Variants in ABCA5 observed in about 807,000 individuals in gnomAD.
ABCA5 encodes the protein cholesterol transporter ABCA5.
ABCA5 carries 163 observed loss-of-function variants against 206.0 expected under a neutral mutation model. The observed-to-expected ratio is 0.79, with a 90% CI of 0.70 to 0.90. The LOEUF is 0.90. Among genes scored for constraint, ABCA5 ranks in the 40% least tolerant of loss-of-function variants. The pLI is 0.00. For synonymous variants in ABCA5, 609 were observed against 613.8 expected (o/e 0.99, Z 0.11); for missense variants, 1,859 against 1,912.9 (o/e 0.97, Z 0.53).
intron 6 of ABCA5, among the ~76,000 whole-genome samples, chr17:69,305,535 G>A (rs745759555): frequency 8.6e-5 from 13 of 152,028 alleles, no homozygotes; most frequent in Admixed American, 5.9e-4. Flanking sequence ...TCCAGCTACC[G>A]GTTCTCCATA....
chr17:69,284,502 A>C (rs988800210), intron 17 of ABCA5, among the ~76,000 whole-genome samples: 1 of 152,146 alleles, frequency 6.6e-6, no homozygotes, highest in Non-Finnish European at 1.5e-5. Flanking sequence ...ACTATATTGA[A>C]TAATAAAATA....
intron 18 of ABCA5, among the ~76,000 whole-genome samples, chr17:69,283,381 T>C (rs1033030506): frequency 7.9e-5 from 12 of 152,310 alleles, no homozygotes; most frequent in African/African-American, 2.9e-4. Flanking sequence ...AATACTCTTA[T>C]CATTCAACAA....
chr17:69,249,596 T>C, intron 37 of ABCA5: 2 of 323,408 alleles, frequency 6.2e-6, no homozygotes, highest in Non-Finnish European at 1.1e-5. Flanking sequence ...ATAAACTGTG[T>C]CAATGCTCTC....
In ABCA5 at chr17:69,255,561, A is replaced by G; in HGVS notation, c.4050T>C (p.Ile1350=). The G allele has an allele frequency of 6.4e-7, 1 of 1,571,162 alleles. No homozygotes were observed. Among genetic ancestry groups the G allele is most frequent in the Non-Finnish European group, 8.6e-7 (1 of 1,165,728 alleles). The change falls in exon 31 of 39, where the codon ATT becomes ATC. Residue 1350 remains isoleucine, a synonymous_variant. Transcript: ENST00000392676. ...ATCATACCTGGCCTGAAGTTGGTTCAATATCACCAACCAGAATATTAATAA... is the reference window on the plus strand; with the variant it reads ...ATCATACCTGGCCTGAAGTTGGTTCGATATCACCAACCAGAATATTAATAA... ...STIINILVGD[I]EPTSGQVFLG...
chr17:69,306,953 A>T lies in ABCA5; in HGVS notation c.560T>A (p.Leu187Ter). Residue 187 changes from leucine to a stop codon, truncating the protein, a stop_gained and splice_region_variant, in exon 6 of 39, where the codon TTG becomes TAG. Transcript: ENST00000392676. LOFTEE classifies it high-confidence loss of function. ...CTTCCAAAGAGAAACATTGGTCTTC[A>T]ACTATAATTAGAAAATGTAAATACA... Reference protein sequence around the residue: ...QASIDAAIIQLKTNVSLWKEL... With the variant: ...QASIDAAIIQ The T allele has an allele frequency of 2.0e-6, 3 of 1,525,076 alleles. No individual in the cohort carries two copies. Among genetic ancestry groups the T allele is most frequent in the Non-Finnish European group, 2.6e-6 (3 of 1,139,070 alleles). The allele number at this position is 1,525,076 out of a possible 1,614,324, so 94.5% of individuals were successfully genotyped here. A position where few individuals can be genotyped will look rare whatever the true frequency, so the allele number is the denominator to read the frequency against.
intron 20 of ABCA5, 60 bp downstream of exon 20, chr17:69,273,899 C>A: frequency 1.4e-6 from 2 of 1,464,298 alleles, no homozygotes; most frequent in Admixed American, 2.3e-5. Flanking sequence ...AGACCTTTAT[C>A]CACCCCTCAA....
intron 23 of ABCA5, among the ~76,000 whole-genome samples, chr17:69,265,552 A>G (rs1311812676): frequency 1.3e-5 from 2 of 152,162 alleles, no homozygotes; most frequent in East Asian, 1.9e-4. Flanking sequence ...ATAAATCCAA[A>G]TACCTAACAA....
chr17:69,265,182 A>G (rs542986221), intron 23 of ABCA5, among the ~76,000 whole-genome samples: 8 of 152,278 alleles, frequency 5.3e-5, no homozygotes, highest in Admixed American at 2.0e-4. Flanking sequence ...AATAAAGCAA[A>G]AGGTGTCATG....
Position 69,289,065 on chromosome 17 carries a change from A to G in ABCA5, c.1902+112T>C, listed in dbSNP as rs76010087. ...TATGATTATATCCATAATAACATACAGCATTTTATGTACACTTAACCTTTA... is the reference window on the plus strand; with the variant it reads ...TATGATTATATCCATAATAACATACGGCATTTTATGTACACTTAACCTTTA... On this transcript the variant is annotated intron_variant, in intron 14 of 38. Coordinates refer to ENST00000392676, the MANE Select transcript of ABCA5 (RefSeq NM_172232.4). 3,517 of 1,031,994 alleles carry G rather than the reference A, an allele frequency of 3.4e-3. 73 individuals are homozygous for G. The African/African-American group carries it at 0.053, about 16-fold the overall frequency. The allele number at this position is 1,031,994 out of a possible 1,614,324, so 63.9% of individuals were successfully genotyped here.
At chr17:69,263,855 T>C (rs2364996) in intron 24 of ABCA5, among the ~76,000 whole-genome samples, 59,850 of 151,670 alleles carry the variant, frequency 0.39, 12,680 homozygotes, top group Middle Eastern at 0.51. Context: ...TGCCACCACG[T>C]CCAGCTATTT....
chr17:69,250,015 T>A, intron 36 of ABCA5, 31 bp from the exon 37 acceptor site: 1 of 1,363,538 alleles, frequency 7.3e-7, no homozygotes, highest in Non-Finnish European at 9.8e-7. Flanking sequence ...TGGAAAAAAA[T>A]TAAAAATTAC....
chr17:69,307,503 T>C (rs994715075), intron 5 of ABCA5, among the ~76,000 whole-genome samples: 1 of 152,116 alleles, frequency 6.6e-6, no homozygotes, highest in African/African-American at 2.4e-5. Flanking sequence ...CAGTGTGGTC[T>C]GTGCTGTGGA....
rs71144671 is a variant in ABCA5, at chr17:69,299,471, T to TACAC, written c.1267+1664_1267+1667dup. 1.0e-2 allele frequency among the ~76,000 whole-genome samples: 1,423 copies of TACAC among 142,418 alleles called. 13 individuals are homozygous for TACAC. The highest frequency in any genetic ancestry group is 0.02 in the East Asian group (98 of 4,874). 93.4% of individuals were successfully genotyped at this position (142,418 alleles called of 152,430 possible). The stretch of plus-strand genomic sequence containing the variant: ...AAAATGTGATACACACACACACACA[T>TACAC]ACACACACACACACACACACACACA... On this transcript the variant is annotated intron_variant, in intron 9 of 38. Transcript: ENST00000392676.
intron 9 of ABCA5, among the ~76,000 whole-genome samples, chr17:69,300,254 A>G (rs1448129361): frequency 5.3e-5 from 8 of 152,144 alleles, no homozygotes; most frequent in Admixed American, 5.2e-4. Context: ...CGCGGTTCGC[A>G]ATAGGGTTCA....
At chr17:69,272,948 A>G (rs2075288684) in intron 20 of ABCA5, among the ~76,000 whole-genome samples, 2 of 152,210 alleles carry the variant, frequency 1.3e-5, no homozygotes, top group South Asian at 4.1e-4. Flanking sequence ...GTGAAGTGTT[A>G]GAAAGGTTAA....
At chr17:69,263,228 T>C (rs946953497) in intron 24 of ABCA5, among the ~76,000 whole-genome samples, 1 of 152,242 alleles carries the variant, frequency 6.6e-6, no homozygotes, top group Non-Finnish European at 1.5e-5. Flanking sequence ...AGAAGCTCTT[T>C]AGTTTAATTA....
chr17:69,297,024 G>A (rs929836059), intron 10 of ABCA5, among the ~76,000 whole-genome samples, 167 bp downstream of exon 10: 1 of 152,032 alleles, frequency 6.6e-6, no homozygotes, highest in Admixed American at 6.6e-5. Flanking sequence ...ATTCTAAATG[G>A]TTGCAAAGAA....
chr17:69,327,011 C>G (rs985495125), intron 1 of ABCA5, 41 bp downstream of exon 1: 2 of 157,742 alleles, frequency 1.3e-5, no homozygotes, highest in Non-Finnish European at 2.8e-5. Context: ...CTGTCCCAGG[C>G]TAGCCTCAAG....
At position 69,306,869 on chromosome 17, in the gene ABCA5, G is replaced by GT; in HGVS notation, c.643dup (p.Thr215AsnfsTer45). ...TATTAAAATTACTCCTCGGGGAAAG[G>GT]TATCTATTTCTACAACAGCAGTTTC... On this transcript the variant is annotated frameshift_variant, in exon 6 of 39. Coordinates refer to ENST00000392676, the MANE Select transcript of ABCA5 (RefSeq NM_172232.4). LOFTEE classifies it high-confidence loss of function. 1.2e-6 allele frequency: 2 copies of GT among 1,602,500 alleles called. No individual in the cohort carries two copies. Among genetic ancestry groups the GT allele is most frequent in the South Asian group, 2.2e-5 (2 of 89,520 alleles).
Sources: allele counts gnomAD v4.1 joint callset (sites outside exome capture counted in the v4.1 genomes callset), GRCh38; gene constraint gnomAD v4.1.1; transcripts MANE v1.5; gene names NCBI Gene and HGNC (gene_info 2026-07-23, HGNC 2026-07-21).